The following RAB38 variants were observed in gnomAD, a reference collection of about 807,000 sequenced individuals.
RAB38 encodes the protein RAB38, member RAS oncogene family, also known as ras-related protein Rab-38.
Under a neutral mutation model 18.4 loss-of-function variants are expected in RAB38, and 15 were observed. The observed-to-expected ratio is 0.82, with a 90% CI of 0.55 to 1.26. The LOEUF is 1.26. Among genes scored for constraint, RAB38 ranks in the 50% most tolerant of loss-of-function variants. The pLI is 0.00. For synonymous variants in RAB38, 101 were observed against 104.4 expected (o/e 0.97, Z 0.20); for missense variants, 294 against 267.4 (o/e 1.10, Z -0.69).
At chr11:87,876,569 T>C in the RAB38 span, among the ~76,000 whole-genome samples, 2 of 151,606 alleles carry the variant, frequency 1.3e-5, no homozygotes, top group African/African-American at 2.4e-5. Context: ...CAGGAGACTT[T>C]AGAAAGCTTC....
chr11:87,903,715 A>G, the RAB38 span, among the ~76,000 whole-genome samples: 2,332 of 151,600 alleles, frequency 0.015, 37 homozygotes, highest in Non-Finnish European at 0.024. Flanking sequence ...ACGTTTATTC[A>G]TAACTATGAA....
the RAB38 span, among the ~76,000 whole-genome samples, chr11:87,869,455 C>T: frequency 4.0e-4 from 61 of 151,766 alleles, no homozygotes; most frequent in East Asian, 6.8e-3. Context: ...GCTCTGCTTA[C>T]TCTACTATAG....
intron 1 of RAB38, among the ~76,000 whole-genome samples, chr11:88,151,961 T>A (rs1943067482): frequency 6.6e-6 from 1 of 152,252 alleles, no homozygotes; most frequent in African/African-American, 2.4e-5. Flanking sequence ...CGCATTTTTT[T>A]ATCCCACAGT....
At chr11:87,957,148 A>G in the RAB38 span, among the ~76,000 whole-genome samples, 2 of 152,268 alleles carry the variant, frequency 1.3e-5, no homozygotes, top group African/African-American at 2.4e-5. Context: ...CACTCCCACA[A>G]ATTGATTCCC....
At chr11:88,139,241 G>A (rs1300426583) in intron 2 of RAB38, among the ~76,000 whole-genome samples, 3 of 152,112 alleles carry the variant, frequency 2.0e-5, no homozygotes, top group African/African-American at 7.2e-5. Flanking sequence ...AAATACCCAG[G>A]AGTTCCTAAG....
chr11:88,053,445 T>TAC, the RAB38 span, among the ~76,000 whole-genome samples: 367 of 129,986 alleles, frequency 2.8e-3, 31 homozygotes, highest in African/African-American at 0.01. Flanking sequence ...TATATATATA[T>TAC]ACACACATAT....
At chr11:88,114,176 A>G in intron 2 of RAB38, 36 bp from the exon 3 acceptor site, 1 of 1,600,220 alleles carries the variant, frequency 6.2e-7, no homozygotes, top group East Asian at 2.2e-5. Flanking sequence ...TTTCTTATTC[A>G]ATACTCTGAA....
At chr11:87,972,028 C>G in the RAB38 span, among the ~76,000 whole-genome samples, 54 of 151,740 alleles carry the variant, frequency 3.6e-4, no homozygotes, top group Admixed American at 1.4e-3. Flanking sequence ...GTTGATGTAG[C>G]TGTACACAGA....
downstream of RAB38, among the ~76,000 whole-genome samples, chr11:88,112,790 C>A (rs1008197166): frequency 2.7e-5 from 3 of 111,714 alleles, no homozygotes; most frequent in East Asian, 6.2e-4. Context: ...ACAACAACAA[C>A]AAAATATATA....
At chr11:87,925,125 G>A in the RAB38 span, among the ~76,000 whole-genome samples, 2 of 152,064 alleles carry the variant, frequency 1.3e-5, no homozygotes, top group Non-Finnish European at 2.9e-5. Context: ...ACCAGAACAA[G>A]GGTTATAGTT....
At chr11:88,017,850 T>C in the RAB38 span, among the ~76,000 whole-genome samples, 1 of 151,802 alleles carries the variant, frequency 6.6e-6, no homozygotes, top group Non-Finnish European at 1.5e-5. Flanking sequence ...ATCATAGCCC[T>C]GGTAATTCCC....
chr11:88,015,153 C>G, the RAB38 span, among the ~76,000 whole-genome samples: 1 of 151,854 alleles, frequency 6.6e-6, no homozygotes, highest in Non-Finnish European at 1.5e-5. Flanking sequence ...AAGTATGTGG[C>G]TGGCTAGATC....
downstream of RAB38, among the ~76,000 whole-genome samples, chr11:88,108,598 T>G (rs1201728357): frequency 2.0e-5 from 3 of 152,348 alleles, no homozygotes; most frequent in Middle Eastern, 3.4e-3. Context: ...CTTTATCCAA[T>G]TTGCCAGTTT....
At chr11:87,838,348 T>A in the RAB38 span, among the ~76,000 whole-genome samples, 3 of 152,154 alleles carry the variant, frequency 2.0e-5, no homozygotes, top group Non-Finnish European at 4.4e-5. Context: ...TCTCCTGACC[T>A]CATGATCCGC....
chr11:87,811,483 G>T, the RAB38 span, among the ~76,000 whole-genome samples: 2 of 152,050 alleles, frequency 1.3e-5, no homozygotes, highest in Admixed American at 1.3e-4. Flanking sequence ...TACCTCTTCA[G>T]GCCTGATTTC....
the RAB38 span, among the ~76,000 whole-genome samples, chr11:88,060,604 T>C: frequency 6.6e-6 from 1 of 152,162 alleles, no homozygotes; most frequent in Admixed American, 6.5e-5. Context: ...TAGGTCTAAC[T>C]CCAAAGCTAC....
the RAB38 span, among the ~76,000 whole-genome samples, chr11:88,012,573 T>G: frequency 2.6e-3 from 401 of 152,236 alleles, 2 homozygotes; most frequent in Non-Finnish European, 3.0e-3. Context: ...AGAAGAATTA[T>G]CAACAATTAA....
chr11:87,860,398 G>C, the RAB38 span, among the ~76,000 whole-genome samples: 1 of 151,888 alleles, frequency 6.6e-6, no homozygotes, highest in Non-Finnish European at 1.5e-5. Context: ...AACTTGTAAA[G>C]TTACATTTAT....
chr11:88,164,990 G>T (rs1260056151), intron 1 of RAB38, among the ~76,000 whole-genome samples: 1 of 152,032 alleles, frequency 6.6e-6, no homozygotes, highest in African/African-American at 2.4e-5. Flanking sequence ...CCTAAAAGTA[G>T]TATATGAAGA....
Sources: allele counts gnomAD v4.1 joint callset (sites outside exome capture counted in the v4.1 genomes callset), GRCh38; gene constraint gnomAD v4.1.1; transcripts MANE v1.5; gene names NCBI Gene and HGNC (gene_info 2026-07-23, HGNC 2026-07-21).